DMD: variants seen among roughly 807,000 people sequenced by gnomAD.
DMD encodes the protein mutant dystrophin.
In DMD, 63 loss-of-function variants were observed where a neutral mutation model predicts 330.1. The observed-to-expected ratio is 0.19, with a 90% confidence interval of 0.16 to 0.24. The LOEUF (loss-of-function observed/expected upper bound fraction) is 0.24. Among genes scored for constraint, DMD ranks in the 10% least tolerant of loss-of-function variants. The pLI, the probability that DMD is intolerant of heterozygous loss-of-function variation, is 1.00. For missense variants in DMD, 3,344 were observed against 2,684.1 expected, an observed-to-expected ratio of 1.25 and a Z score of -5.43; for synonymous variants, 1,223 against 959.8, an observed-to-expected ratio of 1.27 and a Z score of -5.07.
At chrX:32,146,264 A>C (rs2096777697) in intron 44 of DMD, among the ~76,000 whole-genome samples, 1 of 112,080 alleles carries the variant, frequency 8.9e-6, no homozygotes, top group African/African-American at 3.2e-5. Flanking sequence ...AACTATACAT[A>C]GATGATAGAG....
intron 62 of DMD, among the ~76,000 whole-genome samples, chrX:31,282,669 T>C (rs1295478926): frequency 8.9e-6 from 1 of 111,888 alleles, no homozygotes; most frequent in African/African-American, 3.2e-5. Context: ...GTCAGTTCTT[T>C]CTAATATACA....
chrX:32,180,399 C>A (rs1018072867), intron 44 of DMD, among the ~76,000 whole-genome samples: 1 of 111,612 alleles, frequency 9.0e-6, no homozygotes, highest in Admixed American at 9.5e-5. Context: ...GGTTTGGATA[C>A]TAAATGAGTA....
intron 2 of DMD, among the ~76,000 whole-genome samples, chrX:32,998,652 C>T (rs76419701): frequency 9.4e-6 from 1 of 106,465 alleles, no homozygotes; most frequent in African/African-American, 3.4e-5. Flanking sequence ...TGTTTATATA[C>T]ACACACACAC....
At chrX:32,803,146 C>G (rs1161523452) in intron 7 of DMD, among the ~76,000 whole-genome samples, 1 of 111,687 alleles carries the variant, frequency 9.0e-6, no homozygotes, top group Non-Finnish European at 1.9e-5. Flanking sequence ...AATTTCAGAA[C>G]TTGTTATTGT....
chrX:32,796,354 C>T (rs1304070816), intron 7 of DMD, among the ~76,000 whole-genome samples: 1 of 110,882 alleles, frequency 9.0e-6, no homozygotes, highest in Non-Finnish European at 1.9e-5. Flanking sequence ...GTGAGACAAT[C>T]GAGGCAAAGA....
intron 1 of DMD, among the ~76,000 whole-genome samples, chrX:33,178,203 T>A (rs6653595): frequency 0.15 from 16,521 of 111,980 alleles, 1,568 homozygotes; most frequent in East Asian, 0.46. Context: ...AGGAAAGCTG[T>A]GTAAAGGGCG....
intron 44 of DMD, among the ~76,000 whole-genome samples, chrX:32,188,116 A>G (rs891790169): frequency 9.0e-6 from 1 of 110,770 alleles, no homozygotes; most frequent in Admixed American, 9.7e-5. Flanking sequence ...GTGGAGATTA[A>G]TATGATTTAT....
At chrX:32,245,938 A>T (rs2097235132) in intron 43 of DMD, among the ~76,000 whole-genome samples, 1 of 102,130 alleles carries the variant, frequency 9.8e-6, no homozygotes, top group Non-Finnish European at 2.0e-5. Context: ...TCTTTTCCTA[A>T]CTGAATACCT....
intron 44 of DMD, among the ~76,000 whole-genome samples, chrX:31,996,246 T>G (rs1353190518): frequency 1.8e-5 from 2 of 111,544 alleles, no homozygotes; most frequent in Middle Eastern, 4.2e-3. Context: ...AAACTTCGAG[T>G]AGGTAAAGTG....
rs770214517 is a variant in DMD, at chrX:32,475,613, GTTATT to G, written c.2804-3309_2804-3305del. On this transcript the variant is annotated intron_variant, in intron 21 of 78. Transcript: ENST00000357033. ...TCCTAAGTTTTTTGTTGTTGTTGTT[GTTATT>G]TTATTTTATTTTTTGCAGCTATTGT... is the stretch of plus-strand genomic sequence containing the variant. 4.4e-3 allele frequency among the ~76,000 whole-genome samples: 493 copies of G among 110,959 alleles called. 2 individuals are homozygous for G. Among genetic ancestry groups the G allele is most frequent in the African/African-American group, 0.015 (462 of 30,628 alleles).
intron 2 of DMD, among the ~76,000 whole-genome samples, chrX:32,955,754 G>T (rs780868233): frequency 8.9e-6 from 1 of 111,791 alleles, no homozygotes; most frequent in East Asian, 2.8e-4. Context: ...TCTTCTGCAT[G>T]TGGCTAGCCA....
chrX:31,813,240 T>C (rs2092515524), intron 50 of DMD, among the ~76,000 whole-genome samples: 1 of 112,062 alleles, frequency 8.9e-6, no homozygotes, highest in Non-Finnish European at 1.9e-5. Context: ...TGGAGATTTT[T>C]AGTGTGGAAC....
intron 7 of DMD, among the ~76,000 whole-genome samples, chrX:32,786,022 A>G (rs972828346): frequency 9.1e-6 from 1 of 109,609 alleles, no homozygotes; most frequent in East Asian, 2.9e-4. Context: ...CTGCTGTTTA[A>G]CTACAGTGAG....
intron 44 of DMD, among the ~76,000 whole-genome samples, chrX:32,076,372 T>C (rs912211581): frequency 2.1e-5 from 2 of 93,540 alleles, no homozygotes; most frequent in African/African-American, 9.6e-5. Flanking sequence ...GACTTCTTTT[T>C]TTCTTTCTTT....
At chrX:32,957,035 T>C (rs141515261) in intron 2 of DMD, among the ~76,000 whole-genome samples, 130 of 111,686 alleles carry the variant, frequency 1.2e-3, no homozygotes, top group Non-Finnish European at 2.0e-3. Flanking sequence ...TCCCTAAAAT[T>C]ATAAGTTGCT....
intron 45 of DMD, among the ~76,000 whole-genome samples, chrX:31,948,698 A>G (rs1341894129): frequency 9.0e-6 from 1 of 111,206 alleles, no homozygotes; most frequent in Non-Finnish European, 1.9e-5. Flanking sequence ...GGAGAAATAT[A>G]TATTTAAATA....
intron 2 of DMD, among the ~76,000 whole-genome samples, chrX:32,901,324 A>C (rs760145092): frequency 8.9e-6 from 1 of 111,782 alleles, no homozygotes; most frequent in African/African-American, 3.2e-5. Context: ...GAACAAGTGT[A>C]CAGTCTGAAA....
chrX:33,167,006 A>G (rs953826155), intron 1 of DMD, among the ~76,000 whole-genome samples: 2 of 111,252 alleles, frequency 1.8e-5, no homozygotes, highest in Non-Finnish European at 3.8e-5. Flanking sequence ...AGTACCTACT[A>G]TGGAGCAGAT....
At chrX:32,006,518 C>T (rs900976989) in intron 44 of DMD, among the ~76,000 whole-genome samples, 1 of 111,525 alleles carries the variant, frequency 9.0e-6, no homozygotes, top group Non-Finnish European at 1.9e-5. Flanking sequence ...TAAGAGCTCA[C>T]AGTGAGACTT....
Sources: gnomAD v4.1 joint callset for allele counts (sites outside exome capture counted in the v4.1 genomes callset) on GRCh38, gnomAD v4.1.1 for gene constraint, MANE v1.5 for transcripts, NCBI Gene and HGNC (gene_info 2026-07-23, HGNC 2026-07-21) for gene names.